PTPRM: variants seen among roughly 807,000 people sequenced by gnomAD.
The protein encoded by PTPRM is protein tyrosine phosphatase receptor type M.
Under a neutral mutation model 186.7 loss-of-function variants are expected in PTPRM, and 47 were observed. That is an observed-to-expected ratio of 0.25 (90% CI 0.20 to 0.32). The LOEUF (loss-of-function observed/expected upper bound fraction) is 0.32. Ranked by LOEUF, PTPRM falls within the 10% of genes least tolerant of loss-of-function variation. The pLI is 1.00. For missense variants in PTPRM, 1,494 were observed against 1,865.0 expected (o/e 0.80, Z 3.66); for synonymous variants, 668 against 674.9 (o/e 0.99, Z 0.16).
chr18:7,665,981 TTCCTC>T (rs2144431187), intron 1 of PTPRM, among the ~76,000 whole-genome samples: 1 of 152,194 alleles, frequency 6.6e-6, no homozygotes, highest in Non-Finnish European at 1.5e-5. Context: ...AGTAGCAAAT[TTCCTC>T]TCAAACAGTA....
intron 31 of PTPRM, among the ~76,000 whole-genome samples, chr18:8,388,424 C>G (rs2095791609): frequency 1.3e-5 from 2 of 152,260 alleles, no homozygotes; most frequent in African/African-American, 4.8e-5. Flanking sequence ...ATGCCACCTC[C>G]TACCCCGGGC....
chr18:8,355,499 C>T (rs895291077), intron 23 of PTPRM, among the ~76,000 whole-genome samples: 11 of 151,948 alleles, frequency 7.2e-5, no homozygotes, highest in Admixed American at 6.6e-4. Flanking sequence ...GGATATACCA[C>T]GTCAGGAATT....
At chr18:8,278,086 C>T (rs2094857364) in intron 19 of PTPRM, among the ~76,000 whole-genome samples, 1 of 152,224 alleles carries the variant, frequency 6.6e-6, no homozygotes, top group African/African-American at 2.4e-5. Flanking sequence ...TGGCCAACCA[C>T]ACATAGCTAT....
At chr18:8,158,861 A>G (rs1297146155) in intron 14 of PTPRM, among the ~76,000 whole-genome samples, 2 of 152,098 alleles carry the variant, frequency 1.3e-5, no homozygotes, top group African/African-American at 4.8e-5. Flanking sequence ...ATGTGAACTG[A>G]GTAGGAACTC....
intron 4 of PTPRM, among the ~76,000 whole-genome samples, chr18:7,909,709 C>T (rs992577943): frequency 3.6e-5 from 4 of 109,632 alleles, no homozygotes; most frequent in Non-Finnish European, 7.8e-5. Context: ...CTCATTTGCT[C>T]CACTGTAAAG....
At chr18:7,731,769 G>C (rs983640519) in intron 1 of PTPRM, among the ~76,000 whole-genome samples, 5 of 152,222 alleles carry the variant, frequency 3.3e-5, no homozygotes, top group South Asian at 2.1e-4. Flanking sequence ...CTTAAAACTT[G>C]ATACCATCAA....
At chr18:8,264,084 A>C (rs1033026771) in intron 19 of PTPRM, among the ~76,000 whole-genome samples, 1 of 152,162 alleles carries the variant, frequency 6.6e-6, no homozygotes, top group East Asian at 1.9e-4. Flanking sequence ...AGAAAGTGTC[A>C]GAGTGGAAGC....
chr18:7,776,828 A>G (rs954304127), intron 2 of PTPRM, among the ~76,000 whole-genome samples: 3 of 152,228 alleles, frequency 2.0e-5, no homozygotes, highest in Non-Finnish European at 2.9e-5. Context: ...GAGGAGTTAC[A>G]TTCTCAAAGC....
chr18:8,233,027 T>A lies in PTPRM; in HGVS notation c.2301-11031T>A, dbSNP rs371665098. Among the ~76,000 whole-genome samples, 5 of 152,168 alleles carry A rather than the reference T, an allele frequency of 3.3e-5. No homozygotes were observed. In the East Asian group the frequency reaches 7.7e-4, roughly 24 times the overall value. ...TGTCTCAGGAGATAACTTCAAGGAG[T>A]CCCGCACCAGGAAGTGATGGTCCTC... On this transcript the variant is annotated intron_variant, in intron 14 of 32. Transcript: ENST00000580170.
chr18:8,157,194 C>T (rs1465245805), intron 14 of PTPRM, among the ~76,000 whole-genome samples: 1 of 152,274 alleles, frequency 6.6e-6, no homozygotes, highest in South Asian at 2.1e-4. Context: ...CCAGCTATTC[C>T]AAGGGCATAA....
In PTPRM at chr18:7,658,958, G is replaced by A. The variant is rs369222329; in HGVS notation, c.73+91067G>A. ...TCACCAACCTTGCTTCTGCCTCAGG[G>A]CCTTTGCCCTTTCTGTGCATCTGCC... On this transcript the variant is annotated intron_variant, in intron 1 of 32. Coordinates refer to ENST00000580170, the MANE Select transcript of PTPRM (RefSeq NM_001105244.2). Among the ~76,000 whole-genome samples, 80 of 152,198 alleles carry A rather than the reference G, an allele frequency of 5.3e-4. 1 individual carries two copies. Among genetic ancestry groups the A allele is most frequent in the African/African-American group, 1.8e-3 (75 of 41,536 alleles).
At chr18:8,391,003 G>C (rs564624922) in intron 31 of PTPRM, among the ~76,000 whole-genome samples, 1 of 151,452 alleles carries the variant, frequency 6.6e-6, no homozygotes, top group African/African-American at 2.4e-5. Flanking sequence ...GCATAGAAAA[G>C]TTACTCAATA....
At chr18:7,898,136 G>A (rs569378740) in intron 3 of PTPRM, among the ~76,000 whole-genome samples, 1 of 152,246 alleles carries the variant, frequency 6.6e-6, no homozygotes, top group East Asian at 1.9e-4. Flanking sequence ...TAATATTAAA[G>A]AAACTTTACT....
intron 14 of PTPRM, among the ~76,000 whole-genome samples, chr18:8,213,610 C>G (rs1312146647): frequency 6.6e-6 from 1 of 152,174 alleles, no homozygotes; most frequent in Admixed American, 6.5e-5. Flanking sequence ...CAGGATCCTA[C>G]AGCAACAGCC....
At chr18:7,722,427 C>T (rs994077781) in intron 1 of PTPRM, among the ~76,000 whole-genome samples, 1 of 152,002 alleles carries the variant, frequency 6.6e-6, no homozygotes, top group Admixed American at 6.5e-5. Flanking sequence ...ACATACTGTA[C>T]ACCGTACACC....
chr18:8,309,153 C>T (rs150755478), intron 20 of PTPRM, among the ~76,000 whole-genome samples: 202 of 152,276 alleles, frequency 1.3e-3, no homozygotes, highest in African/African-American at 4.6e-3. Context: ...TGCTTCAGTA[C>T]GTTTCAAGAT....
chr18:8,369,778 C>G (rs1159259339), intron 23 of PTPRM, among the ~76,000 whole-genome samples: 1 of 151,912 alleles, frequency 6.6e-6, no homozygotes, highest in Non-Finnish European at 1.5e-5. Flanking sequence ...TAGCAAGACC[C>G]CATTGCTATA....
At chr18:7,583,392 G>T (rs1465178609) in intron 1 of PTPRM, among the ~76,000 whole-genome samples, 1 of 152,166 alleles carries the variant, frequency 6.6e-6, no homozygotes, top group Non-Finnish European at 1.5e-5. Context: ...ATGGACAGTG[G>T]CTACAGCTGA....
At chr18:8,280,897 A>T (rs960574959) in intron 19 of PTPRM, among the ~76,000 whole-genome samples, 17 of 152,348 alleles carry the variant, frequency 1.1e-4, no homozygotes, top group African/African-American at 3.8e-4. Context: ...TTCAGGCAAC[A>T]CGGTCTAATT....
Sources: allele counts gnomAD v4.1 joint callset (sites outside exome capture counted in the v4.1 genomes callset), GRCh38; gene constraint gnomAD v4.1.1; transcripts MANE v1.5; gene names NCBI Gene and HGNC (gene_info 2026-07-23, HGNC 2026-07-21).